Variants in GTF2B observed in about 807,000 individuals in gnomAD.
GTF2B encodes transcription initiation factor IIB.
A neutral mutation model predicts 34.6 loss-of-function variants in GTF2B; 20 were observed. The ratio of observed to expected loss-of-function variants is 0.58; its 90% CI spans 0.41 to 0.84. The LOEUF (loss-of-function observed/expected upper bound fraction) is 0.84. Among genes scored for constraint, GTF2B ranks in the 40% least tolerant of loss-of-function variants. GTF2B has a pLI of 0.00. For synonymous variants in GTF2B, 142 were observed against 132.4 expected (o/e 1.07, Z -0.50); for missense variants, 237 against 393.3 (o/e 0.60, Z 3.36).
chr1:88,889,414 C>T lies in GTF2B; in HGVS notation c.18-2047G>A, dbSNP rs116709536. 4.0e-3 allele frequency among the ~76,000 whole-genome samples: 611 copies of T among 152,328 alleles called. 2 individuals carry two copies. Among genetic ancestry groups the T allele is most frequent in the Non-Finnish European group, 7.2e-3 (489 of 68,032 alleles). On this transcript the variant is annotated intron_variant, in intron 1 of 6. Coordinates refer to ENST00000370500, the MANE Select transcript of GTF2B (RefSeq NM_001514.6). ...GAAACCACCACCACTGACATTAAAACGATTCGAGACTACTCAAGTACCAGA... is the reference window on the plus strand; with the variant it reads ...GAAACCACCACCACTGACATTAAAATGATTCGAGACTACTCAAGTACCAGA...
chr1:88,891,539 A>G lies in GTF2B; in HGVS notation c.-40T>C, dbSNP rs537165666. The G allele has an allele frequency of 1.3e-6, 2 of 1,584,460 alleles. No individual in the cohort carries two copies. Among genetic ancestry groups the G allele is most frequent in the Non-Finnish European group, 1.7e-6 (2 of 1,160,558 alleles). The stretch of plus-strand genomic sequence containing the variant: ...CGGTGCCCGCAACAAGACACAACAG[A>G]CACACCGAAAGCAGGAAGCGAATGT... On this transcript the variant is annotated 5_prime_UTR_variant, in exon 1 of 7. Transcript: ENST00000370500.
At chr1:88,857,811 AG>A (rs1261597949) in intron 5 of GTF2B, among the ~76,000 whole-genome samples, 2 of 150,108 alleles carry the variant, frequency 1.3e-5, no homozygotes, top group Non-Finnish European at 3.0e-5. Flanking sequence ...CCTCCCGAGT[AG>A]CTGGGACTAC....
chr1:88,881,052 G>T (rs1183126070), intron 2 of GTF2B, among the ~76,000 whole-genome samples: 2 of 143,038 alleles, frequency 1.4e-5, no homozygotes, highest in African/African-American at 5.7e-5. Flanking sequence ...AGGTACAATT[G>T]GTCAGACATG....
chr1:88,879,758 A>T (rs1172359332), intron 2 of GTF2B, among the ~76,000 whole-genome samples: 1 of 151,932 alleles, frequency 6.6e-6, no homozygotes, highest in Admixed American at 6.6e-5. Flanking sequence ...AACGTTAATT[A>T]AATATAAGAC....
intron 3 of GTF2B, among the ~76,000 whole-genome samples, chr1:88,861,542 C>G (rs1673440683): frequency 6.6e-6 from 1 of 152,132 alleles, no homozygotes; most frequent in African/African-American, 2.4e-5. Context: ...CACATGCCTG[C>G]AATCCCAGCT....
At chr1:88,869,273 T>C (rs1673633057) in intron 2 of GTF2B, among the ~76,000 whole-genome samples, 1 of 152,190 alleles carries the variant, frequency 6.6e-6, no homozygotes, top group Non-Finnish European at 1.5e-5. Flanking sequence ...TATCAGAGAC[T>C]AGAGCATCTG....
intron 2 of GTF2B, among the ~76,000 whole-genome samples, chr1:88,877,558 A>C (rs1673843596): frequency 6.6e-6 from 1 of 152,194 alleles, no homozygotes; most frequent in Non-Finnish European, 1.5e-5. Context: ...TAATACTGCC[A>C]CCTAGTGTTC....
intron 6 of GTF2B, among the ~76,000 whole-genome samples, chr1:88,854,550 TG>T (rs1290914977): frequency 1.3e-5 from 2 of 152,230 alleles, no homozygotes; most frequent in East Asian, 3.8e-4. Flanking sequence ...TCACCCAGGC[TG>T]GAGTGCAATG....
intron 3 of GTF2B, 128 bp from the exon 4 acceptor site, chr1:88,860,414 C>T (rs1244915572): frequency 1.4e-5 from 9 of 642,906 alleles, no homozygotes; most frequent in Non-Finnish European, 2.4e-5. Flanking sequence ...GCATCCTGCT[C>T]ATCTATACTA....
intron 2 of GTF2B, among the ~76,000 whole-genome samples, chr1:88,873,655 A>G (rs1673750048): frequency 6.6e-6 from 1 of 152,226 alleles, no homozygotes; most frequent in African/African-American, 2.4e-5. Context: ...TATCTTTTTG[A>G]TAAGTTATCC....
chr1:88,883,578 G>A (rs1020437469), intron 2 of GTF2B, among the ~76,000 whole-genome samples: 8 of 151,998 alleles, frequency 5.3e-5, no homozygotes, highest in African/African-American at 1.9e-4. Flanking sequence ...CCAGGGTCCT[G>A]CTTGAGCCCA....
chr1:88,863,598 G>A (rs1277809855), intron 3 of GTF2B, among the ~76,000 whole-genome samples: 3 of 151,802 alleles, frequency 2.0e-5, no homozygotes, highest in East Asian at 1.9e-4. Flanking sequence ...CTTGTGATCC[G>A]CCTGCCTTGG....
intron 2 of GTF2B, among the ~76,000 whole-genome samples, chr1:88,868,535 G>A (rs1170372976): frequency 6.6e-6 from 1 of 152,184 alleles, no homozygotes; most frequent in African/African-American, 2.4e-5. Flanking sequence ...CCATATATTA[G>A]AGTGGTGTCT....
At chr1:88,875,297 G>A (rs933039768) in intron 2 of GTF2B, among the ~76,000 whole-genome samples, 1 of 152,194 alleles carries the variant, frequency 6.6e-6, no homozygotes, top group African/African-American at 2.4e-5. Flanking sequence ...GCATATCACA[G>A]TTTATTTCCC....
intron 2 of GTF2B, among the ~76,000 whole-genome samples, chr1:88,882,662 T>C (rs954031634): frequency 6.6e-6 from 1 of 152,244 alleles, no homozygotes; most frequent in Non-Finnish European, 1.5e-5. Flanking sequence ...ATGACAAATG[T>C]TCATGTGTCA....
intron 1 of GTF2B, chr1:88,887,882 T>C (rs558892060): frequency 1.3e-5 from 2 of 152,490 alleles, no homozygotes; most frequent in African/African-American, 2.4e-5. Context: ...AACTTAAGAC[T>C]TGATGATTTC....
intron 3 of GTF2B, among the ~76,000 whole-genome samples, chr1:88,861,110 T>C (rs1301605026): frequency 6.6e-6 from 1 of 152,222 alleles, no homozygotes; most frequent in Non-Finnish European, 1.5e-5. Context: ...ATACCCTTCA[T>C]AAGTACAATC....
intron 6 of GTF2B, among the ~76,000 whole-genome samples, chr1:88,856,804 GTTT>G (rs139940304): frequency 1.5e-5 from 2 of 137,770 alleles, no homozygotes. Context: ...TTAAACGTGG[GTTT>G]TTTTTTTTTT....
intron 2 of GTF2B, among the ~76,000 whole-genome samples, chr1:88,887,056 T>A (rs1674086674): frequency 6.6e-6 from 1 of 152,022 alleles, no homozygotes; most frequent in South Asian, 2.1e-4. Flanking sequence ...GCAGTTGGGA[T>A]TACAGGTGCC....
Sources: gnomAD v4.1 joint callset for allele counts (sites outside exome capture counted in the v4.1 genomes callset) on GRCh38, gnomAD v4.1.1 for gene constraint, MANE v1.5 for transcripts, NCBI Gene and HGNC (gene_info 2026-07-23, HGNC 2026-07-21) for gene names.